The following MFSD8 variants were observed in gnomAD, a reference collection of about 807,000 sequenced individuals.
MFSD8 encodes major facilitator superfamily domain containing 8.
Under a neutral mutation model 66.4 loss-of-function variants are expected in MFSD8, and 55 were observed. The observed-to-expected ratio is 0.83, with a 90% CI of 0.67 to 1.04. The LOEUF is 1.04. Ranked by LOEUF, MFSD8 falls within the 50% of genes least tolerant of loss-of-function variation. MFSD8 has a pLI of 0.00. For missense variants in MFSD8, 550 were observed against 627.6 expected, an observed-to-expected ratio of 0.88 and a Z score of 1.32; for synonymous variants, 202 against 212.8, an observed-to-expected ratio of 0.95 and a Z score of 0.44.
chr4:127,940,636 C>T (rs969945265), intron 5 of MFSD8, among the ~76,000 whole-genome samples: 2 of 150,208 alleles, frequency 1.3e-5, no homozygotes, highest in Admixed American at 6.7e-5. Context: ...ATACATAATC[C>T]ACCTTAGTAT....
At chr4:127,957,676 T>C (rs186960563) in intron 1 of MFSD8, 84 bp from the exon 2 acceptor site, 2 of 898,810 alleles carry the variant, frequency 2.2e-6, no homozygotes, top group African/African-American at 3.3e-5. Flanking sequence ...TCTCTAGTTA[T>C]GAAAATGATG....
At chr4:127,927,263 C>T (rs1737367311) in intron 9 of MFSD8, among the ~76,000 whole-genome samples, 1 of 152,070 alleles carries the variant, frequency 6.6e-6, no homozygotes, top group Non-Finnish European at 1.5e-5. Flanking sequence ...GCAACCTCCA[C>T]CTCCTGGGTT....
At position 127,932,995 on chromosome 4, in the gene MFSD8, G is replaced by C. The variant is rs1335223050; in HGVS notation, c.853C>G (p.Leu285Val). Residue 285 changes from leucine (L) to valine (V), a missense_variant, in exon 8 of 12, where the codon CTT becomes GTT. Leu to Val is a conservative substitution (Grantham distance 32). Transcript: ENST00000641686. ...TGGAATAAAACTTACGTTTCAAAAA[G>C]GGCAAAGATAAATAGAGTCACAAAA... ...LFFVTLFIFALFETIITPLTM... is the reference protein window; with the variant it reads ...LFFVTLFIFAVFETIITPLTM... The C allele has an allele frequency of 2.5e-6, 4 of 1,612,246 alleles. No individual in the cohort carries two copies. The Admixed American group carries it at 6.7e-5, about 27-fold the overall frequency.
chr4:127,926,200 A>G (rs1737182929), intron 9 of MFSD8, among the ~76,000 whole-genome samples: 2 of 108,390 alleles, frequency 1.8e-5, no homozygotes, highest in African/African-American at 3.4e-5. Flanking sequence ...AAACCTGCAC[A>G]TATATTCCAG....
chr4:127,923,956 T>C (rs1736783601), intron 9 of MFSD8, among the ~76,000 whole-genome samples: 1 of 152,128 alleles, frequency 6.6e-6, no homozygotes, highest in Admixed American at 6.6e-5. Context: ...TTTTTTGTTG[T>C]GTCTCTGCCA....
chr4:127,920,855 A>T lies in MFSD8; in HGVS notation c.1351-19T>A, dbSNP rs1444108278. The T allele has an allele frequency of 6.2e-7, 1 of 1,609,912 alleles. No individual in the cohort carries two copies. The highest frequency in any genetic ancestry group is 2.2e-5 in the East Asian group (1 of 44,826). On this transcript the variant is annotated intron_variant, in intron 11 of 11. Transcript: ENST00000641686. ...ATACACCCTGTTGGGGGTGAAATGGAGGACAAGCAGATTGATATTGGGGTT... is the reference window on the plus strand; with the variant it reads ...ATACACCCTGTTGGGGGTGAAATGGTGGACAAGCAGATTGATATTGGGGTT...
Position 127,939,692 on chromosome 4 carries a change from C to T in MFSD8, c.698+161G>A, listed in dbSNP as rs1739813538. ...CATTTATCAGGTTGTCTTTTGGTTG[C>T]CAGTATTACATGCTTTAGTACTACC... is the stretch of plus-strand genomic sequence containing the variant. On this transcript the variant is annotated intron_variant, in intron 6 of 11. Transcript: ENST00000641686. 8.1e-6 allele frequency: 4 copies of T among 493,182 alleles called. No individual in the cohort carries two copies. In the South Asian group the frequency reaches 1.3e-4, roughly 17 times the overall value. The allele number at this position is 493,182 out of a possible 1,614,324, so 30.6% of individuals were successfully genotyped here.
At chr4:127,957,369 C>T (rs571797291) in intron 2 of MFSD8, 132 bp downstream of exon 2, 31 of 685,850 alleles carry the variant, frequency 4.5e-5, no homozygotes, top group African/African-American at 3.9e-4. Context: ...TATGGTAACA[C>T]GGTAAATTTA....
intron 7 of MFSD8, chr4:127,933,729 C>A (rs1738555620): frequency 6.6e-6 from 1 of 152,136 alleles, no homozygotes; most frequent in African/African-American, 2.4e-5. Context: ...ACATAGTGAT[C>A]TCATACTAAA....
intron 9 of MFSD8, 30 bp downstream of exon 9, chr4:127,930,653 C>T (rs1737966682): frequency 3.1e-6 from 5 of 1,609,760 alleles, no homozygotes; most frequent in Non-Finnish European, 4.2e-6. Flanking sequence ...TTTTTAAAAA[C>T]AGACATAAAA....
chr4:127,934,351 T>C (rs1738669771), intron 7 of MFSD8, among the ~76,000 whole-genome samples: 1 of 152,168 alleles, frequency 6.6e-6, no homozygotes, highest in Non-Finnish European at 1.5e-5. Context: ...AATCAGGATT[T>C]GACGGTGGTT....
At position 127,930,784 on chromosome 4, in the gene MFSD8, G is replaced by T. The variant is rs747352043; in HGVS notation, c.897C>A (p.Ala299=). The T allele has an allele frequency of 6.2e-7, 1 of 1,611,762 alleles. No homozygotes were observed. ...IITPLTMDMY[A]WTQEQAVLYN... Reference sequence around the variant, plus strand: ...ATAACACAGCTTGTTCTTGAGTCCAGGCATACATATCCATTGTTAATGGAG... The same window carrying T: ...ATAACACAGCTTGTTCTTGAGTCCATGCATACATATCCATTGTTAATGGAG... Residue 299 remains alanine, a synonymous_variant, in exon 9 of 12, where the codon GCC becomes GCA. Coordinates refer to ENST00000641686, the MANE Select transcript of MFSD8 (RefSeq NM_001371596.2).
At chr4:127,933,213 A>T (rs1578853785) in intron 7 of MFSD8, 120 bp from the exon 8 acceptor site, 9 of 759,388 alleles carry the variant, frequency 1.2e-5, no homozygotes, top group African/African-American at 7.2e-5. Context: ...AAAAATTTTT[A>T]GGCTTCAAAG....
At chr4:127,921,255 G>A in intron 11 of MFSD8, 1 of 614,352 alleles carries the variant, frequency 1.6e-6, no homozygotes, top group Non-Finnish European at 2.8e-6. Flanking sequence ...TGTTCAAGAG[G>A]TTTGAAGCCA....
chr4:127,961,743 C>T (rs1743789220), intron 1 of MFSD8, among the ~76,000 whole-genome samples: 1 of 150,768 alleles, frequency 6.6e-6, no homozygotes, highest in South Asian at 2.1e-4. Context: ...ATGGCGTGAA[C>T]CCGGGAGGCG....
intron 9 of MFSD8, among the ~76,000 whole-genome samples, chr4:127,923,929 G>C (rs1054609569): frequency 1.3e-5 from 2 of 152,032 alleles, no homozygotes; most frequent in African/African-American, 4.8e-5. Flanking sequence ...GTTCATCAGG[G>C]ATATTGGCCT....
chr4:127,934,444 T>G (rs1161598383), intron 7 of MFSD8: 1 of 152,182 alleles, frequency 6.6e-6, no homozygotes, highest in Non-Finnish European at 1.5e-5. Flanking sequence ...AAGCTATTCT[T>G]GATGTAACTG....
chr4:127,930,187 C>T (rs1342019743), intron 9 of MFSD8, among the ~76,000 whole-genome samples: 1 of 152,066 alleles, frequency 6.6e-6, no homozygotes, highest in Non-Finnish European at 1.5e-5. Flanking sequence ...CTGCACTGAG[C>T]CATGATTGCA....
intron 1 of MFSD8, among the ~76,000 whole-genome samples, chr4:127,963,437 C>A (rs753029157): frequency 6.6e-6 from 1 of 152,212 alleles, no homozygotes; most frequent in Non-Finnish European, 1.5e-5. Flanking sequence ...AAGCTGCGGA[C>A]CCTCGCGGTG....
Sources: allele counts gnomAD v4.1 joint callset (sites outside exome capture counted in the v4.1 genomes callset), GRCh38; gene constraint gnomAD v4.1.1; transcripts MANE v1.5; gene names NCBI Gene and HGNC (gene_info 2026-07-23, HGNC 2026-07-21).